Variants in CACNB2 observed in about 807,000 individuals in gnomAD.
CACNB2 encodes voltage-dependent L-type calcium channel subunit beta-2.
A neutral mutation model predicts 73.3 loss-of-function variants in CACNB2; 42 were observed. That is an observed-to-expected ratio of 0.57 (90% CI 0.45 to 0.74). The LOEUF is 0.74. Among genes scored for constraint, CACNB2 ranks in the 30% least tolerant of loss-of-function variants. The pLI is 0.00. For synonymous variants in CACNB2, 348 were observed against 310.3 expected, an observed-to-expected ratio of 1.12 and a Z score of -1.28; for missense variants, 940 against 853.0, an observed-to-expected ratio of 1.10 and a Z score of -1.27.
At chr10:18,418,716 C>CT (rs927864895) in intron 3 of CACNB2, among the ~76,000 whole-genome samples, 24 of 152,068 alleles carry the variant, frequency 1.6e-4, no homozygotes, top group African/African-American at 2.9e-4. Flanking sequence ...TGTCACTTCC[C>CT]TTTTTTTTGG....
chr10:18,141,353 T>C, intron 1 of CACNB2: 1 of 800,812 alleles, frequency 1.2e-6, no homozygotes, highest in South Asian at 1.6e-5. Context: ...GGAGCGAATA[T>C]GGGGGTGCCC....
intron 3 of CACNB2, among the ~76,000 whole-genome samples, chr10:18,415,153 T>C (rs2044872464): frequency 6.6e-6 from 1 of 152,100 alleles, no homozygotes; most frequent in South Asian, 2.1e-4. Flanking sequence ...CACTGAGTAA[T>C]GTGGTAGCTA....
At chr10:18,398,392 A>G (rs1406183660) in intron 2 of CACNB2, among the ~76,000 whole-genome samples, 2 of 152,034 alleles carry the variant, frequency 1.3e-5, no homozygotes, top group Non-Finnish European at 2.9e-5. Context: ...AGGCTGGGTG[A>G]GGTGGCTCAC....
chr10:18,266,785 G>T (rs1021924923), intron 2 of CACNB2, among the ~76,000 whole-genome samples: 1 of 152,200 alleles, frequency 6.6e-6, no homozygotes, highest in Non-Finnish European at 1.5e-5. Flanking sequence ...AGCTACTCGG[G>T]AGGCTGAGGC....
At chr10:18,442,229 A>C (rs977676471) in intron 3 of CACNB2, among the ~76,000 whole-genome samples, 1 of 151,926 alleles carries the variant, frequency 6.6e-6, no homozygotes, top group Admixed American at 6.6e-5. Flanking sequence ...TACTCACTGC[A>C]ACCTCCGCCT....
In CACNB2 at chr10:18,532,696, AC is replaced by A. The variant is rs869121318; in HGVS notation, c.1055-1379del. Among the ~76,000 whole-genome samples, 368 of 82,310 alleles carry A rather than the reference AC, an allele frequency of 4.5e-3. 6 individuals carry two copies. The highest frequency in any genetic ancestry group is 0.015 in the African/African-American group (285 of 19,232). 54.0% of individuals were successfully genotyped at this position (82,310 alleles called of 152,430 possible). The stretch of plus-strand genomic sequence containing the variant: ...TGTCTCAAAAAAAAAAAAAAAAAAA[AC>A]AAAACAAAAAAACAAACAAACAAAA... On this transcript the variant is annotated intron_variant, in intron 10 of 13. Coordinates refer to ENST00000324631, the MANE Select transcript of CACNB2 (RefSeq NM_201596.3).
chr10:18,261,192 G>C (rs2037520038), intron 2 of CACNB2: 1 of 1,549,184 alleles, frequency 6.5e-7, no homozygotes, highest in Non-Finnish European at 8.7e-7. Flanking sequence ...GGAAGAAATG[G>C]ACCGAGGCTG....
intron 9 of CACNB2, 66 bp downstream of exon 9, chr10:18,519,034 A>T: frequency 7.4e-7 from 1 of 1,354,446 alleles, no homozygotes; most frequent in Non-Finnish European, 1.1e-6. Flanking sequence ...CTGGTGGGAC[A>T]TGCGTGTGAT....
At chr10:18,286,110 CATA>C (rs1390694022) in intron 2 of CACNB2, among the ~76,000 whole-genome samples, 1 of 152,156 alleles carries the variant, frequency 6.6e-6, no homozygotes, top group Non-Finnish European at 1.5e-5. Flanking sequence ...TACCAATAAA[CATA>C]ATCATTTTCT....
At chr10:18,162,991 A>G (rs1588587158) in intron 2 of CACNB2, among the ~76,000 whole-genome samples, 1 of 152,246 alleles carries the variant, frequency 6.6e-6, no homozygotes, top group Non-Finnish European at 1.5e-5. Context: ...GGATGGGTGC[A>G]TGGAGTTTGG....
chr10:18,329,687 C>G (rs2040724489), intron 2 of CACNB2, among the ~76,000 whole-genome samples: 1 of 152,008 alleles, frequency 6.6e-6, no homozygotes, highest in Non-Finnish European at 1.5e-5. Flanking sequence ...ATGGTAGAAA[C>G]CAGTGCTTTG....
At chr10:18,538,641 A>C (rs1246418343) in intron 13 of CACNB2, among the ~76,000 whole-genome samples, 3 of 152,114 alleles carry the variant, frequency 2.0e-5, no homozygotes. Flanking sequence ...TGCACCTCTT[A>C]CCACTTGTGG....
intron 9 of CACNB2, among the ~76,000 whole-genome samples, chr10:18,523,070 T>C (rs1443603875): frequency 1.3e-5 from 2 of 152,134 alleles, no homozygotes; most frequent in African/African-American, 4.8e-5. Flanking sequence ...ATTTTTCAGT[T>C]TGTGACAGGA....
chr10:18,500,779 A>C (rs564251027), intron 4 of CACNB2, 33 bp from the exon 5 acceptor site: 1 of 1,608,862 alleles, frequency 6.2e-7, no homozygotes, highest in Admixed American at 1.7e-5. Flanking sequence ...CCTTCTGTGC[A>C]CTGATTTTTA....
chr10:18,502,946 C>A (rs957563246), intron 5 of CACNB2, among the ~76,000 whole-genome samples: 3 of 151,616 alleles, frequency 2.0e-5, no homozygotes, highest in African/African-American at 7.3e-5. Flanking sequence ...TGGACATGTA[C>A]CCCGAAACTA....
At chr10:18,533,058 G>T (rs1032856354) in intron 10 of CACNB2, 3 of 152,098 alleles carry the variant, frequency 2.0e-5, no homozygotes, top group Non-Finnish European at 4.4e-5. Context: ...TAAGGTACTA[G>T]TTAAAATTAT....
At chr10:18,404,566 T>A (rs34740546) in intron 3 of CACNB2, among the ~76,000 whole-genome samples, 20,297 of 152,164 alleles carry the variant, frequency 0.13, 1,781 homozygotes, top group African/African-American at 0.25. Flanking sequence ...TTCGTAACCA[T>A]CGAAGCATCT....
chr10:18,218,099 G>C (rs568914148), intron 2 of CACNB2, among the ~76,000 whole-genome samples: 15 of 152,280 alleles, frequency 9.9e-5, no homozygotes, highest in African/African-American at 3.4e-4. Flanking sequence ...GCACACTGCT[G>C]TTGTGATCAC....
intron 3 of CACNB2, among the ~76,000 whole-genome samples, chr10:18,463,348 A>T (rs2047683791): frequency 6.7e-6 from 1 of 149,610 alleles, no homozygotes; most frequent in Non-Finnish European, 1.5e-5. Context: ...ATATAGCAAG[A>T]CCTCTTATCT....
Sources: gnomAD v4.1 joint callset for allele counts (sites outside exome capture counted in the v4.1 genomes callset) on GRCh38, gnomAD v4.1.1 for gene constraint, MANE v1.5 for transcripts, NCBI Gene and HGNC (gene_info 2026-07-23, HGNC 2026-07-21) for gene names.